Variants in CDK14 observed in about 807,000 individuals in gnomAD.
CDK14 encodes cyclin-dependent kinase 14.
Under a neutral mutation model 60.7 loss-of-function variants are expected in CDK14, and 34 were observed. The observed-to-expected ratio is 0.56, with a 90% CI of 0.43 to 0.75. The LOEUF is 0.75. CDK14 is among the 30% of genes least tolerant of loss of function. The pLI is 0.00. For missense variants in CDK14, 482 were observed against 564.1 expected, an observed-to-expected ratio of 0.85 and a Z score of 1.47; for synonymous variants, 197 against 203.7, an observed-to-expected ratio of 0.97 and a Z score of 0.28.
intron 14 of CDK14, among the ~76,000 whole-genome samples, chr7:91,192,411 C>T (rs1260348536): frequency 5.3e-5 from 8 of 152,182 alleles, no homozygotes; most frequent in Non-Finnish European, 1.2e-4. Flanking sequence ...TGAGTTTCAG[C>T]TTTCTCAACT....
chr7:90,850,087 AG>A (rs1396045628), intron 5 of CDK14, among the ~76,000 whole-genome samples: 1 of 152,044 alleles, frequency 6.6e-6, no homozygotes, highest in African/African-American at 2.4e-5. Context: ...GACATCCTAT[AG>A]GATATTTCTT....
chr7:90,886,825 C>A (rs145790233), intron 6 of CDK14, among the ~76,000 whole-genome samples: 24 of 152,144 alleles, frequency 1.6e-4, no homozygotes, highest in African/African-American at 5.5e-4. Context: ...AAAAAAAGTT[C>A]TTTTTTCCAG....
In CDK14 at chr7:91,036,792, G is replaced by T. The variant is rs138865183; in HGVS notation, c.1042-9105G>T. ...AGTAGGCTATTAGTAGTTAAGTTTTGGGAGAGCCAAGAGTTTTATGGGAAT... is the reference window on the plus strand; with the variant it reads ...AGTAGGCTATTAGTAGTTAAGTTTTTGGAGAGCCAAGAGTTTTATGGGAAT... On this transcript the variant is annotated intron_variant, in intron 10 of 14. Coordinates refer to ENST00000380050, the MANE Select transcript of CDK14 (RefSeq NM_001287135.2). Among the ~76,000 whole-genome samples the T allele has an allele frequency of 8.0e-3, 1,222 of 152,228 alleles. 14 individuals carry two copies. The highest frequency in any genetic ancestry group is 0.028 in the African/African-American group (1,165 of 41,528).
chr7:90,743,268 T>G (rs531068568), intron 3 of CDK14, among the ~76,000 whole-genome samples: 5 of 152,256 alleles, frequency 3.3e-5, no homozygotes, highest in African/African-American at 1.2e-4. Context: ...AGTTACCCAT[T>G]TTTTGTTGTT....
intron 14 of CDK14, among the ~76,000 whole-genome samples, chr7:91,130,484 A>G (rs763066658): frequency 8.5e-5 from 13 of 152,186 alleles, no homozygotes; most frequent in Non-Finnish European, 1.5e-4. Flanking sequence ...ATAAAAAAGT[A>G]TGAGAAACAC....
At chr7:90,624,069 C>T (rs369423039) in intron 2 of CDK14, among the ~76,000 whole-genome samples, 1 of 152,164 alleles carries the variant, frequency 6.6e-6, no homozygotes, top group African/African-American at 2.4e-5. Context: ...AACAAAACAG[C>T]CCTGTGAAGG....
rs180982271 is a variant in CDK14 at position 91,024,952 on chromosome 7, C to T, written c.1042-20945C>T. Among the ~76,000 whole-genome samples, 10 of 152,314 alleles carry T rather than the reference C, an allele frequency of 6.6e-5. No homozygotes were observed. The East Asian group carries it at 1.9e-3, about 29-fold the overall frequency. On this transcript the variant is annotated intron_variant, in intron 10 of 14. Coordinates refer to ENST00000380050, the MANE Select transcript of CDK14 (RefSeq NM_001287135.2). ...TTTCTGCTAGTGATTGATTCCCTTA[C>T]TCCAAATGCGATCCAGCCAGTTCTC...
At chr7:91,061,026 T>C (rs1182058838) in intron 11 of CDK14, among the ~76,000 whole-genome samples, 3 of 152,218 alleles carry the variant, frequency 2.0e-5, no homozygotes, top group African/African-American at 7.2e-5. Context: ...CCCCATCACT[T>C]TCAGGTACAC....
At chr7:90,802,232 ACC>A (rs1275498690) in intron 5 of CDK14, among the ~76,000 whole-genome samples, 1 of 152,178 alleles carries the variant, frequency 6.6e-6, no homozygotes, top group Admixed American at 6.5e-5. Context: ...GCAACATTTG[ACC>A]CTGTGTAGTA....
chr7:90,645,334 AT>A, intron 2 of CDK14, among the ~76,000 whole-genome samples: 1 of 146,796 alleles, frequency 6.8e-6, no homozygotes, highest in East Asian at 2.2e-4. Context: ...AATGAATCTT[AT>A]TTTTAATTAT....
chr7:91,038,390 C>T (rs1251520655), intron 10 of CDK14, among the ~76,000 whole-genome samples: 1 of 152,028 alleles, frequency 6.6e-6, no homozygotes, highest in Non-Finnish European at 1.5e-5. Context: ...AAGACATGAC[C>T]TCTTTACTTA....
At chr7:90,650,342 TA>T (rs1457720639) in intron 2 of CDK14, among the ~76,000 whole-genome samples, 2 of 152,232 alleles carry the variant, frequency 1.3e-5, no homozygotes, top group Non-Finnish European at 2.9e-5. Flanking sequence ...AAGTTCTTTG[TA>T]GATTCTGGAT....
intron 4 of CDK14, among the ~76,000 whole-genome samples, chr7:90,771,479 A>T (rs2116893561): frequency 6.6e-6 from 1 of 152,342 alleles, no homozygotes; most frequent in South Asian, 2.1e-4. Context: ...TGAGTAAGTC[A>T]GAGTAGAATT....
intron 14 of CDK14, among the ~76,000 whole-genome samples, chr7:91,158,140 T>C (rs1801043532): frequency 6.8e-6 from 1 of 148,118 alleles, no homozygotes; most frequent in African/African-American, 2.4e-5. Context: ...ATTATATACA[T>C]TATACATAAA....
chr7:90,775,786 A>G (rs1805020264), intron 4 of CDK14, among the ~76,000 whole-genome samples: 2 of 100,542 alleles, frequency 2.0e-5, no homozygotes, highest in South Asian at 6.4e-4. Context: ...CCCTTCTCCT[A>G]CCTGGCTTCC....
intron 14 of CDK14, among the ~76,000 whole-genome samples, chr7:91,182,071 C>T (rs1802018865): frequency 6.6e-6 from 1 of 151,732 alleles, no homozygotes. Context: ...TTTCACTTAC[C>T]CTTTCTGATC....
chr7:91,004,684 G>A (rs962912935), intron 10 of CDK14, among the ~76,000 whole-genome samples: 6 of 152,240 alleles, frequency 3.9e-5, no homozygotes, highest in South Asian at 2.1e-4. Context: ...GGTGAGTAGC[G>A]TGCAGATCTG....
intron 10 of CDK14, among the ~76,000 whole-genome samples, chr7:90,984,442 A>C (rs1278578898): frequency 6.6e-6 from 1 of 152,214 alleles, no homozygotes; most frequent in Non-Finnish European, 1.5e-5. Flanking sequence ...ATAACATGTC[A>C]AAGTGGTAAG....
At chr7:90,925,048 T>C (rs1490236423) in intron 8 of CDK14, among the ~76,000 whole-genome samples, 1 of 152,220 alleles carries the variant, frequency 6.6e-6, no homozygotes, top group Non-Finnish European at 1.5e-5. Flanking sequence ...AAAACTTTTT[T>C]TTTATTTTTA....
Sources: gnomAD v4.1 joint callset for allele counts (sites outside exome capture counted in the v4.1 genomes callset) on GRCh38, gnomAD v4.1.1 for gene constraint, MANE v1.5 for transcripts, NCBI Gene and HGNC (gene_info 2026-07-23, HGNC 2026-07-21) for gene names.